The following PRR33 variants were observed in gnomAD, a reference collection of about 807,000 sequenced individuals.
PRR33 encodes the protein proline rich 33, also known as proline-rich protein 33.
A neutral mutation model predicts 0.5 loss-of-function variants in PRR33; 1 was observed. The observed-to-expected ratio is 2.18, with a 90% CI of 0.77 to 10.34. The LOEUF is 10.34. Among genes scored for constraint, PRR33 ranks in the 30% most tolerant of loss-of-function variants. PRR33 has a pLI of 0.13. For synonymous variants in PRR33, 226 were observed against 110.0 expected (o/e 2.06, Z -6.60); for missense variants, 552 against 251.8 (o/e 2.19, Z -8.07).
the PRR33 span, among the ~76,000 whole-genome samples, chr11:1,902,078 A>T: frequency 6.6e-6 from 1 of 152,136 alleles, no homozygotes; most frequent in East Asian, 1.9e-4. Context: ...TAAAAATACA[A>T]AAAGTTAGCC....
the PRR33 span, among the ~76,000 whole-genome samples, chr11:1,902,392 G>A: frequency 6.6e-6 from 1 of 152,168 alleles, no homozygotes; most frequent in Non-Finnish European, 1.5e-5. Context: ...CTCAGCGTGG[G>A]TGGATCTGAA....
upstream of PRR33, among the ~76,000 whole-genome samples, chr11:1,895,807 TGAA>T (rs1849118059): frequency 6.6e-6 from 1 of 152,240 alleles, no homozygotes; most frequent in Non-Finnish European, 1.5e-5. Flanking sequence ...CATGGTTTCT[TGAA>T]GAAGCTACAG....
chr11:1,888,016 G>A (rs1269897131), downstream of PRR33, among the ~76,000 whole-genome samples: 2 of 152,150 alleles, frequency 1.3e-5, no homozygotes, highest in African/African-American at 4.8e-5. Flanking sequence ...TCCCAGCCGA[G>A]AGCGATTCAG....
At chr11:1,895,174 C>A (rs1321595167), upstream of PRR33, among the ~76,000 whole-genome samples, 1 of 151,860 alleles carries the variant, frequency 6.6e-6, no homozygotes, top group Non-Finnish European at 1.5e-5. Context: ...CTCTTGTTGC[C>A]CAGGCTGGAG....
chr11:1,895,782 A>G (rs956199174), upstream of PRR33, among the ~76,000 whole-genome samples: 2 of 152,190 alleles, frequency 1.3e-5, no homozygotes, highest in African/African-American at 4.8e-5. Context: ...GTTCCAGAAT[A>G]TGAAATTGCT....
exon 1 of PRR33, chr11:1,890,165 C>G: frequency 1.4e-6 from 1 of 717,110 alleles, no homozygotes; most frequent in East Asian, 2.7e-5. Flanking sequence ...CAGCTAGAAT[C>G]CTGCGCTGGG....
chr11:1,901,878 A>G, the PRR33 span, among the ~76,000 whole-genome samples: 1 of 152,248 alleles, frequency 6.6e-6, no homozygotes, highest in African/African-American at 2.4e-5. Context: ...GTTTCAAGGT[A>G]GCCGTTGAAT....
exon 1 of PRR33, chr11:1,890,316 G>T (rs1848943310): frequency 1.4e-6 from 1 of 711,618 alleles, no homozygotes; most frequent in African/African-American, 1.7e-5. Flanking sequence ...TGGGGCTTCG[G>T]CGGGGTGCGG....
At chr11:1,915,639 T>G in the PRR33 span, among the ~76,000 whole-genome samples, 1 of 17,118 alleles carries the variant, frequency 5.8e-5, no homozygotes, top group African/African-American at 2.1e-4. Flanking sequence ...GTGTGTGTGT[T>G]GTGGGGGGTG....
Position 1,891,829 on chromosome 11 carries a change from C to T in PRR33, c.-1245G>A, listed in dbSNP as rs567925305. The T allele has an allele frequency of 5.0e-4, 77 of 152,656 alleles. No homozygotes were observed. The highest frequency in any genetic ancestry group is 1.8e-3 in the African/African-American group (76 of 41,544). 9.5% of individuals were successfully genotyped at this position (152,656 alleles called of 1,614,324 possible). A position where few individuals can be genotyped will look rare whatever the true frequency, so the allele number is the denominator to read the frequency against. ...ACCCTCCATGTACCCAGGGGAGATT[C>T]CAGCCAGACACCCGCCCCCCGGCCC... On this transcript the variant is annotated 5_prime_UTR_variant, in exon 1 of 1. The change creates a premature stop within an existing upstream ORF in the 5' untranslated region. Transcript: ENST00000640310.
upstream of PRR33, among the ~76,000 whole-genome samples, chr11:1,895,572 G>C (rs934704439): frequency 1.3e-5 from 2 of 152,114 alleles, no homozygotes; most frequent in African/African-American, 4.8e-5. Flanking sequence ...TTGTCAATTT[G>C]TTCTTTTAGG....
chr11:1,901,430 A>C, the PRR33 span, among the ~76,000 whole-genome samples: 9 of 152,252 alleles, frequency 5.9e-5, no homozygotes, highest in African/African-American at 2.2e-4. Flanking sequence ...GATACATGTC[A>C]TACAGAGAGA....
the PRR33 span, among the ~76,000 whole-genome samples, chr11:1,917,605 C>A: frequency 6.6e-6 from 1 of 152,244 alleles, no homozygotes; most frequent in Non-Finnish European, 1.5e-5. Flanking sequence ...TGGACCATCC[C>A]GGTCCGGCCA....
the PRR33 span, among the ~76,000 whole-genome samples, chr11:1,905,737 A>G: frequency 2.6e-5 from 4 of 151,648 alleles, no homozygotes; most frequent in Admixed American, 2.0e-4. Flanking sequence ...TACAGGTGTG[A>G]GCCACCACAC....
chr11:1,899,942 G>T, the PRR33 span, among the ~76,000 whole-genome samples: 2 of 152,000 alleles, frequency 1.3e-5, no homozygotes, highest in African/African-American at 4.8e-5. Context: ...TGGAAGTTTC[G>T]ATTGTCCTCC....
the PRR33 span, among the ~76,000 whole-genome samples, chr11:1,912,372 C>G: frequency 5.7e-4 from 86 of 152,168 alleles, no homozygotes; most frequent in African/African-American, 1.9e-3. Flanking sequence ...GTTTGAACTT[C>G]ACTTTGAGTC....
chr11:1,895,354 A>C (rs1040986637), upstream of PRR33, among the ~76,000 whole-genome samples: 1 of 152,086 alleles, frequency 6.6e-6, no homozygotes, highest in African/African-American at 2.4e-5. Context: ...GCTGGTCTCG[A>C]ATTCCTGACC....
chr11:1,895,020 C>T (rs144119115), upstream of PRR33, among the ~76,000 whole-genome samples: 98 of 152,350 alleles, frequency 6.4e-4, no homozygotes, highest in African/African-American at 2.2e-3. Context: ...CAGCTTTGCA[C>T]GTGCTACTTC....
downstream of PRR33, among the ~76,000 whole-genome samples, chr11:1,888,037 G>A (rs1848830170): frequency 6.6e-6 from 1 of 152,102 alleles, no homozygotes; most frequent in Non-Finnish European, 1.5e-5. Flanking sequence ...AGGTCCTGAT[G>A]CCCTCCCCAT....
Sources: gnomAD v4.1 joint callset for allele counts (sites outside exome capture counted in the v4.1 genomes callset) on GRCh38, gnomAD v4.1.1 for gene constraint, MANE v1.5 for transcripts, NCBI Gene and HGNC (gene_info 2026-07-23, HGNC 2026-07-21) for gene names.